Variants in NHS observed in about 807,000 individuals in gnomAD.
The protein encoded by NHS is NHS actin remodeling regulator, also known as actin remodeling regulator NHS.
A neutral mutation model predicts 72.5 loss-of-function variants in NHS; 5 were observed. The observed-to-expected ratio is 0.07, with a 90% CI of 0.04 to 0.14. NHS has a LOEUF of 0.14. Ranked by LOEUF, NHS falls within the 10% of genes least tolerant of loss-of-function variation. The pLI is 1.00. For synonymous variants in NHS, 464 were observed against 547.7 expected (o/e 0.85, Z 2.13); for missense variants, 1,072 against 1,355.7 (o/e 0.79, Z 3.29).
At chrX:17,600,313 A>T (rs758103282) in intron 1 of NHS, among the ~76,000 whole-genome samples, 66 of 109,521 alleles carry the variant, frequency 6.0e-4, no homozygotes, top group African/African-American at 2.0e-3. Flanking sequence ...AGAGAGAGAG[A>T]GTGAGTTGGG....
At chrX:17,723,955 T>C (rs1378889973) in intron 5 of NHS, among the ~76,000 whole-genome samples, 1 of 111,029 alleles carries the variant, frequency 9.0e-6, no homozygotes, top group African/African-American at 3.3e-5. Flanking sequence ...AGCCCAGAAA[T>C]AGATCAGTAA....
chrX:17,629,352 T>C, intron 1 of NHS, among the ~76,000 whole-genome samples: 1 of 112,252 alleles, frequency 8.9e-6, no homozygotes. Flanking sequence ...CACTTCTTGC[T>C]CCCTTCTCTG....
At position 17,725,903 on chromosome X, in the gene NHS, C is replaced by T. The variant is rs2066439426; in HGVS notation, c.1797C>T (p.Asn599=). 2 of 1,209,685 alleles carry T rather than the reference C, an allele frequency of 1.7e-6. No homozygotes were observed. Among genetic ancestry groups the T allele is most frequent in the Admixed American group, 4.4e-5 (2 of 45,765 alleles). ...ADSGSCDISS[N]SDTFGSPIHC... is the part of the protein sequence containing the mutation. Reference sequence around the variant, plus strand: ...CTGGCAGCTGTGACATCTCCTCCAACTCAGACACGTTTGGGAGCCCCATCC... The same window carrying T: ...CTGGCAGCTGTGACATCTCCTCCAATTCAGACACGTTTGGGAGCCCCATCC... The change falls in exon 7 of 9, where the codon AAC becomes AAT. Residue 599 remains asparagine (N), a synonymous_variant. Transcript: ENST00000676302.
intron 1 of NHS, among the ~76,000 whole-genome samples, chrX:17,506,215 C>G (rs1438534501): frequency 9.0e-6 from 1 of 111,324 alleles, no homozygotes; most frequent in African/African-American, 3.3e-5. Flanking sequence ...ATCTCTTATT[C>G]ACACACACCC....
chrX:17,557,006 C>T (rs895212085), intron 1 of NHS, among the ~76,000 whole-genome samples: 4 of 107,757 alleles, frequency 3.7e-5, no homozygotes, highest in East Asian at 5.8e-4. Flanking sequence ...ATATAACGTA[C>T]TGTTGAGGAA....
chrX:17,686,112 A>G (rs1489653707), intron 1 of NHS, among the ~76,000 whole-genome samples: 2 of 112,266 alleles, frequency 1.8e-5, no homozygotes, highest in Non-Finnish European at 3.8e-5. Flanking sequence ...ATCAGAAGAC[A>G]TTTTGTGTTT....
intron 3 of NHS, among the ~76,000 whole-genome samples, chrX:17,696,736 G>C (rs953846413): frequency 3.6e-5 from 4 of 111,510 alleles, no homozygotes; most frequent in Non-Finnish European, 5.7e-5. Context: ...TGACTATAAT[G>C]GTGATACCCT....
chrX:17,427,110 T>C (rs2064661110), intron 1 of NHS, among the ~76,000 whole-genome samples: 2 of 111,998 alleles, frequency 1.8e-5, no homozygotes, highest in Admixed American at 1.9e-4. Context: ...TAAACCTGAA[T>C]AGGATTTTGC....
intron 1 of NHS, among the ~76,000 whole-genome samples, chrX:17,628,974 C>T (rs181350263): frequency 1.8e-5 from 2 of 112,783 alleles, no homozygotes; most frequent in Non-Finnish European, 3.7e-5. Context: ...CATGAAGAAA[C>T]TTCCATTGCA....
chrX:17,509,169 C>G (rs1189991219), intron 1 of NHS, among the ~76,000 whole-genome samples: 1 of 110,745 alleles, frequency 9.0e-6, no homozygotes, highest in East Asian at 2.8e-4. Context: ...GGGAGGCATT[C>G]TTCTTTATTC....
chrX:17,523,667 C>T (rs1335108754), intron 1 of NHS, among the ~76,000 whole-genome samples: 2 of 107,346 alleles, frequency 1.9e-5, no homozygotes, highest in Non-Finnish European at 3.8e-5. Flanking sequence ...ACCCCAAAAG[C>T]TCATCTTGGA....
chrX:17,669,116 C>T (rs765332523), intron 1 of NHS, among the ~76,000 whole-genome samples: 30 of 112,308 alleles, frequency 2.7e-4, no homozygotes, highest in Non-Finnish European at 5.3e-4. Flanking sequence ...TCACCTTGTT[C>T]CACTTTCTGA....
In NHS at chrX:17,401,974, G is replaced by A. The variant is rs182436239; in HGVS notation, c.565+25652G>A. Among the ~76,000 whole-genome samples the A allele has an allele frequency of 5.3e-3, 588 of 111,868 alleles. 2 individuals carry two copies. The highest frequency in any genetic ancestry group is 8.2e-3 in the Non-Finnish European group (436 of 53,149). ...CTTGTATCCAGAATACATAAAGAAA[G>A]TATATAACTCAACAATAAAAAGACA... is the stretch of plus-strand genomic sequence containing the variant. On this transcript the variant is annotated intron_variant, in intron 1 of 8. Transcript: ENST00000676302.
chrX:17,513,559 C>A (rs957942965), intron 1 of NHS, among the ~76,000 whole-genome samples: 1 of 112,318 alleles, frequency 8.9e-6, no homozygotes, highest in African/African-American at 3.2e-5. Context: ...TTGGGCTCCA[C>A]CCTAGACCTC....
At chrX:17,554,741 G>T (rs1356927913) in intron 1 of NHS, among the ~76,000 whole-genome samples, 2 of 112,421 alleles carry the variant, frequency 1.8e-5, no homozygotes, top group Non-Finnish European at 1.9e-5. Context: ...CCAACCAAAT[G>T]ATTCTTTATT....
intron 1 of NHS, among the ~76,000 whole-genome samples, chrX:17,614,146 GGA>G (rs2065725187): frequency 8.9e-6 from 1 of 112,058 alleles, no homozygotes; most frequent in Admixed American, 9.4e-5. Flanking sequence ...GTGAATACAG[GGA>G]GAGAGAGAGG....
intron 1 of NHS, among the ~76,000 whole-genome samples, chrX:17,659,289 G>T (rs1216028786): frequency 8.9e-6 from 1 of 111,987 alleles, no homozygotes; most frequent in African/African-American, 3.3e-5. Context: ...TCTACTTTGA[G>T]ATTGGACTTT....
intron 1 of NHS, among the ~76,000 whole-genome samples, chrX:17,627,234 A>G (rs2065802138): frequency 8.9e-6 from 1 of 112,355 alleles, no homozygotes; most frequent in Non-Finnish European, 1.9e-5. Flanking sequence ...TATCTGAGGT[A>G]GCCAAGCTAA....
At chrX:17,533,441 C>T in intron 1 of NHS, among the ~76,000 whole-genome samples, 1 of 110,903 alleles carries the variant, frequency 9.0e-6, no homozygotes, top group Middle Eastern at 4.6e-3. Flanking sequence ...CATGCACCAC[C>T]ACGCCTGGCT....
Sources: gnomAD v4.1 joint callset for allele counts (sites outside exome capture counted in the v4.1 genomes callset) on GRCh38, gnomAD v4.1.1 for gene constraint, MANE v1.5 for transcripts, NCBI Gene and HGNC (gene_info 2026-07-23, HGNC 2026-07-21) for gene names.